FAM168A: variants seen among roughly 807,000 people sequenced by gnomAD.
The protein encoded by FAM168A is family with sequence similarity 168 member A, also known as protein FAM168A.
Under a neutral mutation model 28.5 loss-of-function variants are expected in FAM168A, and 3 were observed. The ratio of observed to expected loss-of-function variants is 0.11; its 90% CI spans 0.05 to 0.27. The LOEUF is 0.27. Ranked by LOEUF, FAM168A falls within the 10% of genes least tolerant of loss-of-function variation. FAM168A has a pLI of 1.00. For synonymous variants in FAM168A, 122 were observed against 124.2 expected (o/e 0.98, Z 0.12); for missense variants, 222 against 311.5 (o/e 0.71, Z 2.16).
chr11:73,552,954 CTCAATCAA>C (rs756488793), intron 1 of FAM168A, among the ~76,000 whole-genome samples: 21 of 152,014 alleles, frequency 1.4e-4, no homozygotes, highest in African/African-American at 4.8e-4. Context: ...GAGATTCTGT[CTCAATCAA>C]TCAATCAATC....
intron 2 of FAM168A, among the ~76,000 whole-genome samples, chr11:73,456,739 T>C (rs1403131772): frequency 1.3e-5 from 2 of 152,252 alleles, no homozygotes; most frequent in Non-Finnish European, 1.5e-5. Context: ...GTAACTATTT[T>C]GGAATTCCAG....
chr11:73,458,903 C>T (rs564907967), intron 2 of FAM168A, among the ~76,000 whole-genome samples: 2 of 152,166 alleles, frequency 1.3e-5, no homozygotes, highest in African/African-American at 2.4e-5. Context: ...AGCCACTGCA[C>T]CCAGCCTCTA....
At chr11:73,571,873 G>C (rs1487914021) in intron 1 of FAM168A, among the ~76,000 whole-genome samples, 1 of 151,692 alleles carries the variant, frequency 6.6e-6, no homozygotes, top group Admixed American at 6.6e-5. Context: ...CGTCTGAGAT[G>C]TGGGGAGCGC....
rs568763613 is a variant in FAM168A at position 73,426,428 on chromosome 11, C to A, written c.151+4262G>T. 3.9e-5 allele frequency among the ~76,000 whole-genome samples: 6 copies of A among 152,308 alleles called. No homozygotes were observed. The South Asian group carries it at 1.2e-3, about 32-fold the overall frequency. On this transcript the variant is annotated intron_variant, in intron 3 of 7. Transcript: ENST00000356467. ...GTATTCAGAGCTGCTAAAAATAGCT[C>A]TCTCTCAAGCAACTTCTGGGTCTCC...
intron 3 of FAM168A, among the ~76,000 whole-genome samples, chr11:73,426,490 G>A (rs1234196636): frequency 1.3e-5 from 2 of 152,196 alleles, no homozygotes; most frequent in African/African-American, 4.8e-5. Context: ...CTAAGAGCCT[G>A]GTTCCTTCTG....
intron 1 of FAM168A, among the ~76,000 whole-genome samples, chr11:73,531,305 A>G (rs983213803): frequency 2.0e-5 from 3 of 152,208 alleles, no homozygotes; most frequent in African/African-American, 7.2e-5. Context: ...CAGAAATATC[A>G]CTAATGGCAA....
At chr11:73,518,853 C>T (rs563508120) in intron 1 of FAM168A, among the ~76,000 whole-genome samples, 13 of 151,946 alleles carry the variant, frequency 8.6e-5, no homozygotes, top group Non-Finnish European at 1.3e-4. Context: ...GCCAAGATTG[C>T]GCCACTGCAC....
intron 1 of FAM168A, among the ~76,000 whole-genome samples, chr11:73,503,954 C>A (rs1293598489): frequency 6.6e-6 from 1 of 152,144 alleles, no homozygotes; most frequent in Non-Finnish European, 1.5e-5. Context: ...TGGCCATATG[C>A]AGAAAACTGA....
At chr11:73,587,524 G>A (rs1048749072) in intron 1 of FAM168A, among the ~76,000 whole-genome samples, 3 of 151,708 alleles carry the variant, frequency 2.0e-5, no homozygotes, top group East Asian at 1.9e-4. Context: ...TCTGGAAGTC[G>A]TAAAAACTAT....
In FAM168A at chr11:73,468,388, ATTCTCACACTACTCACCC is replaced by A; in HGVS notation, c.69_70+16del. On this transcript the variant is annotated splice_donor_variant and splice_donor_5th_base_variant and coding_sequence_variant and intron_variant, in exon 2 of 8. Transcript: ENST00000356467. LOFTEE classifies it high-confidence loss of function. ...ACCACCATTTCTCAAAATGAGAGCC[ATTCTCACACTACTCACCC>A]GTGTAGGCCATGTTCTTAGGGTTGC... 6.2e-7 allele frequency: 1 copy of A among 1,612,238 alleles called. No individual in the cohort carries two copies. Among genetic ancestry groups the A allele is most frequent in the Non-Finnish European group, 8.5e-7 (1 of 1,178,630 alleles).
chr11:73,452,803 CA>C (rs144662672), intron 2 of FAM168A, among the ~76,000 whole-genome samples: 6 of 120,082 alleles, frequency 5.0e-5, no homozygotes, highest in Admixed American at 7.8e-5. Context: ...GAATGTTTTG[CA>C]AAAAAAAAAT....
In FAM168A at chr11:73,543,350, G is replaced by A. The variant is rs570415232; in HGVS notation, c.-19+54573C>T. Reference sequence around the variant, plus strand: ...ACAATCTCAGCTCACTGCAACCTCCGCCTCCCAGGTTCAAGCAATTCTGCC... The same window carrying A: ...ACAATCTCAGCTCACTGCAACCTCCACCTCCCAGGTTCAAGCAATTCTGCC... On this transcript the variant is annotated intron_variant, in intron 1 of 7. Transcript: ENST00000356467. 6.1e-4 allele frequency among the ~76,000 whole-genome samples: 84 copies of A among 138,050 alleles called. 1 individual carries two copies. Among genetic ancestry groups the A allele is most frequent in the African/African-American group, 2.0e-3 (73 of 36,168 alleles). The allele number at this position is 138,050 out of a possible 152,430, so 90.6% of individuals were successfully genotyped here. A position where few individuals can be genotyped will look rare whatever the true frequency, so the allele number is the denominator to read the frequency against.
At chr11:73,551,218 T>C (rs1351782689) in intron 1 of FAM168A, among the ~76,000 whole-genome samples, 1 of 151,994 alleles carries the variant, frequency 6.6e-6, no homozygotes, top group Non-Finnish European at 1.5e-5. Flanking sequence ...CTCCAAGTTA[T>C]GAAAAAACCT....
chr11:73,468,158 A>T (rs940673829), intron 2 of FAM168A, among the ~76,000 whole-genome samples: 4 of 152,240 alleles, frequency 2.6e-5, no homozygotes, highest in Non-Finnish European at 4.4e-5. Flanking sequence ...TCAATATTTT[A>T]AAATAATCAA....
At chr11:73,483,230 G>A (rs1412468753) in intron 1 of FAM168A, among the ~76,000 whole-genome samples, 1 of 152,146 alleles carries the variant, frequency 6.6e-6, no homozygotes, top group Non-Finnish European at 1.5e-5. Context: ...TTGCCTAGAG[G>A]AACATCCTCA....
chr11:73,468,557 C>A, intron 1 of FAM168A, 65 bp from the exon 2 acceptor site: 2 of 1,275,778 alleles, frequency 1.6e-6, no homozygotes, highest in Admixed American at 3.7e-5. Flanking sequence ...ATCAGCTTCT[C>A]CTCCATAATC....
At chr11:73,460,122 C>T (rs929400547) in intron 2 of FAM168A, among the ~76,000 whole-genome samples, 10 of 151,944 alleles carry the variant, frequency 6.6e-5, no homozygotes, top group Admixed American at 2.6e-4. Flanking sequence ...CCTCGTGATC[C>T]GCCCACCTCG....
chr11:73,581,237 G>T (rs1056820479), intron 1 of FAM168A, among the ~76,000 whole-genome samples: 1 of 152,228 alleles, frequency 6.6e-6, no homozygotes, highest in African/African-American at 2.4e-5. Context: ...GAAAGTTGTT[G>T]TATACTGTTA....
intron 1 of FAM168A, among the ~76,000 whole-genome samples, chr11:73,537,159 C>T (rs138765435): frequency 1.3e-3 from 201 of 152,160 alleles, no homozygotes; most frequent in African/African-American, 4.4e-3. Flanking sequence ...GAAAAACTAC[C>T]AAGGGCTAGT....
Sources: allele counts gnomAD v4.1 joint callset (sites outside exome capture counted in the v4.1 genomes callset), GRCh38; gene constraint gnomAD v4.1.1; transcripts MANE v1.5; gene names NCBI Gene and HGNC (gene_info 2026-07-23, HGNC 2026-07-21).